The following DOCK3 variants were observed in gnomAD, a reference collection of about 807,000 sequenced individuals.
The protein encoded by DOCK3 is dedicator of cytokinesis protein 3.
A neutral mutation model predicts 265.6 loss-of-function variants in DOCK3; 60 were observed. The observed-to-expected ratio is 0.23, with a 90% confidence interval of 0.18 to 0.28. The LOEUF (loss-of-function observed/expected upper bound fraction) is 0.28, where lower values mean the gene tolerates loss of function less well. DOCK3 is among the 10% of genes least tolerant of loss of function. The pLI is 1.00. For missense variants in DOCK3, 1,981 were observed against 2,594.3 expected (o/e 0.76, Z 5.14); for synonymous variants, 881 against 938.0 (o/e 0.94, Z 1.11).
chr3:51,333,084 C>T, intron 34 of DOCK3, 57 bp downstream of exon 34: 5 of 1,613,862 alleles, frequency 3.1e-6, no homozygotes, highest in Non-Finnish European at 3.4e-6. Context: ...CCTCCATGGG[C>T]TCTTGGACTT....
intron 9 of DOCK3, among the ~76,000 whole-genome samples, chr3:51,106,226 G>A (rs188261327): frequency 6.6e-6 from 1 of 152,334 alleles, no homozygotes; most frequent in African/African-American, 2.4e-5. Flanking sequence ...CAGTTGGCTA[G>A]CCTCTCCCAG....
At chr3:51,092,871 G>A (rs962021695) in intron 9 of DOCK3, among the ~76,000 whole-genome samples, 8 of 152,184 alleles carry the variant, frequency 5.3e-5, no homozygotes, top group African/African-American at 1.4e-4. Flanking sequence ...TGTAAGGAAC[G>A]GGTTCCGTTG....
intron 5 of DOCK3, among the ~76,000 whole-genome samples, chr3:50,965,183 A>G (rs1414866435): frequency 6.6e-6 from 1 of 152,112 alleles, no homozygotes; most frequent in Non-Finnish European, 1.5e-5. Flanking sequence ...GGAAAATCTT[A>G]AAATGTTTAT....
At position 51,313,695 on chromosome 3, in the gene DOCK3, G is replaced by C. The variant is rs184194751; in HGVS notation, c.3253+793G>C. On this transcript the variant is annotated intron_variant, in intron 31 of 52. Coordinates refer to ENST00000266037, the MANE Select transcript of DOCK3 (RefSeq NM_004947.5). ...ATGGTCATAAAATCTCCAGTCCTCTGTTAACCATCCCCACCACTAACCTAG... is the reference window on the plus strand; with the variant it reads ...ATGGTCATAAAATCTCCAGTCCTCTCTTAACCATCCCCACCACTAACCTAG... 3.9e-3 allele frequency among the ~76,000 whole-genome samples: 595 copies of C among 152,278 alleles called. 4 individuals carry two copies. Among genetic ancestry groups the C allele is most frequent in the Admixed American group, 7.6e-3 (117 of 15,300 alleles).
At chr3:51,313,997 C>T (rs543528674) in intron 31 of DOCK3, among the ~76,000 whole-genome samples, 28 of 152,256 alleles carry the variant, frequency 1.8e-4, no homozygotes, top group African/African-American at 6.5e-4. Flanking sequence ...CCTGATAAAG[C>T]CTTTTCTGCC....
At chr3:51,137,114 C>CT (rs965386539) in intron 9 of DOCK3, among the ~76,000 whole-genome samples, 2 of 151,706 alleles carry the variant, frequency 1.3e-5, no homozygotes, top group African/African-American at 4.8e-5. Flanking sequence ...TATAAAACCC[C>CT]TTTTTTGTGT....
At chr3:51,148,328 CAGA>C (rs2085399901) in intron 10 of DOCK3, among the ~76,000 whole-genome samples, 1 of 152,176 alleles carries the variant, frequency 6.6e-6, no homozygotes, top group African/African-American at 2.4e-5. Flanking sequence ...TTTTGCTGTG[CAGA>C]AGCTCTTTAG....
At chr3:50,732,038 T>TA (rs781063967) in intron 1 of DOCK3, among the ~76,000 whole-genome samples, 346 of 143,202 alleles carry the variant, frequency 2.4e-3, no homozygotes, top group Non-Finnish European at 2.5e-3. Flanking sequence ...TTAATGTATT[T>TA]AAAAAAAAAA....
chr3:51,263,321 A>C (rs2079963318), intron 23 of DOCK3, among the ~76,000 whole-genome samples: 1 of 152,218 alleles, frequency 6.6e-6, no homozygotes, highest in South Asian at 2.1e-4. Context: ...AGCCACACTA[A>C]GCTTCATAAG....
chr3:51,001,947 T>A (rs901648981), intron 5 of DOCK3, among the ~76,000 whole-genome samples: 3 of 152,200 alleles, frequency 2.0e-5, no homozygotes, highest in African/African-American at 7.2e-5. Context: ...AGGGTCTCAC[T>A]CTGTCACCCA....
intron 9 of DOCK3, among the ~76,000 whole-genome samples, chr3:51,108,293 C>T (rs1359443100): frequency 6.6e-6 from 1 of 152,130 alleles, no homozygotes; most frequent in Non-Finnish European, 1.5e-5. Context: ...CCAAACTAAG[C>T]TTCATAAGCA....
chr3:50,715,014 C>T (rs975837312), intron 1 of DOCK3, among the ~76,000 whole-genome samples: 3 of 152,196 alleles, frequency 2.0e-5, no homozygotes, highest in African/African-American at 7.2e-5. Context: ...CAATTGCACT[C>T]AACATATTTT....
chr3:51,279,400 G>A (rs944740771), intron 26 of DOCK3, among the ~76,000 whole-genome samples: 1 of 152,172 alleles, frequency 6.6e-6, no homozygotes, highest in African/African-American at 2.4e-5. Flanking sequence ...GCAACTAAGA[G>A]GAGGCCATGC....
intron 2 of DOCK3, among the ~76,000 whole-genome samples, chr3:50,801,709 C>T (rs1253011448): frequency 6.6e-6 from 1 of 152,118 alleles, no homozygotes; most frequent in African/African-American, 2.4e-5. Flanking sequence ...ATATCTGTTA[C>T]ATCCATTTGG....
chr3:50,814,467 T>C (rs1298154056), intron 2 of DOCK3, among the ~76,000 whole-genome samples: 1 of 151,878 alleles, frequency 6.6e-6, no homozygotes, highest in African/African-American at 2.4e-5. Flanking sequence ...GGTTTCATCA[T>C]GTTGTCCAGT....
rs145489916 is a variant in DOCK3 at position 51,352,653 on chromosome 3, T to C, written c.4108-2229T>C. ...AGAGGCATAATGCATGTATAATTCA[T>C]GCATACAAATTTCCTCAGCCAACCC... On this transcript the variant is annotated intron_variant, in intron 40 of 52. Coordinates refer to ENST00000266037, the MANE Select transcript of DOCK3 (RefSeq NM_004947.5). 1.9e-3 allele frequency among the ~76,000 whole-genome samples: 289 copies of C among 152,356 alleles called. 1 individual carries two copies. Among genetic ancestry groups the C allele is most frequent in the African/African-American group, 6.8e-3 (283 of 41,592 alleles).
chr3:51,339,055 C>G (rs1258700403), intron 37 of DOCK3, 27 bp downstream of exon 37: 2 of 1,532,974 alleles, frequency 1.3e-6, no homozygotes, highest in Admixed American at 4.0e-5. Context: ...GAGAGCCATG[C>G]CTGACCATGA....
intron 12 of DOCK3, among the ~76,000 whole-genome samples, chr3:51,169,514 C>T (rs913694159): frequency 6.6e-6 from 1 of 152,078 alleles, no homozygotes; most frequent in African/African-American, 2.4e-5. Flanking sequence ...CATGTTCTCA[C>T]TTATATGTGG....
At chr3:50,705,066 T>G (rs1460958169) in intron 1 of DOCK3, among the ~76,000 whole-genome samples, 1 of 148,490 alleles carries the variant, frequency 6.7e-6, no homozygotes, top group Non-Finnish European at 1.5e-5. Context: ...TCCTTGTTCC[T>G]TTCTTCTTCT....
Sources: gnomAD v4.1 joint callset for allele counts (sites outside exome capture counted in the v4.1 genomes callset) on GRCh38, gnomAD v4.1.1 for gene constraint, MANE v1.5 for transcripts, NCBI Gene and HGNC (gene_info 2026-07-23, HGNC 2026-07-21) for gene names.